The following MAST4 variants were observed in gnomAD, a reference collection of about 807,000 sequenced individuals.
MAST4 encodes the protein microtubule associated serine/threonine kinase family member 4.
Under a neutral mutation model 162.7 loss-of-function variants are expected in MAST4, and 89 were observed. That is an observed-to-expected ratio of 0.55 (90% confidence interval 0.46 to 0.65). The LOEUF (loss-of-function observed/expected upper bound fraction) is 0.65, where lower values mean the gene tolerates loss of function less well. Ranked by LOEUF, MAST4 falls within the 30% of genes least tolerant of loss-of-function variation. The pLI is 0.00. For synonymous variants in MAST4, 1,479 were observed against 1,361.1 expected (o/e 1.09, Z -1.91); for missense variants, 3,153 against 3,374.0 (o/e 0.93, Z 1.62).
At chr5:66,607,450 G>A (rs894228355) in intron 1 of MAST4, among the ~76,000 whole-genome samples, 3 of 152,124 alleles carry the variant, frequency 2.0e-5, no homozygotes, top group East Asian at 1.9e-4. Context: ...ATTCTGCCAG[G>A]ATAATTCTTG....
intron 14 of MAST4, among the ~76,000 whole-genome samples, chr5:67,127,621 T>C (rs946519782): frequency 6.6e-6 from 1 of 152,168 alleles, no homozygotes; most frequent in East Asian, 1.9e-4. Context: ...AACATTTGTA[T>C]ATCAGTGCTT....
chr5:66,780,665 C>T (rs2081161), intron 2 of MAST4, among the ~76,000 whole-genome samples: 5,948 of 152,260 alleles, frequency 0.039, 177 homozygotes, highest in South Asian at 0.13. Context: ...CTTTTATTCC[C>T]TTATTTGGCC....
In MAST4 at chr5:67,167,102, T is replaced by C; in HGVS notation, c.*51T>C. ...TGGAGACCCGTCCTGAACGGGCGACTGTGTCTTGACTACCTTTCAAAACCA... is the reference window on the plus strand; with the variant it reads ...TGGAGACCCGTCCTGAACGGGCGACCGTGTCTTGACTACCTTTCAAAACCA... On this transcript the variant is annotated 3_prime_UTR_variant, in exon 29 of 29. Transcript: ENST00000403625. 2 of 1,465,058 alleles carry C rather than the reference T, an allele frequency of 1.4e-6. No homozygotes were observed. The highest frequency in any genetic ancestry group is 1.8e-6 in the Non-Finnish European group (2 of 1,097,888). The allele number at this position is 1,465,058 out of a possible 1,614,324, so 90.8% of individuals were successfully genotyped here.
At position 66,759,745 on chromosome 5, in the gene MAST4, C is replaced by G. The variant is rs200785678; in HGVS notation, c.400C>G (p.Arg134Gly). ...ATTATCCCCTCCACCCATGCCGTTTCGGAAATGCAGCAACCCAGATGTGGC... is the reference window on the plus strand; with the variant it reads ...ATTATCCCCTCCACCCATGCCGTTTGGGAAATGCAGCAACCCAGATGTGGC... ...HILSPPPMPF[R>G]KCSNPDVASG... is the part of the protein sequence containing the mutation. Residue 134 changes from arginine to glycine, a missense_variant, in exon 2 of 29, where the codon CGG becomes GGG. Coordinates refer to ENST00000403625, the MANE Select transcript of MAST4 (RefSeq NM_001164664.2). The G allele has an allele frequency of 1.2e-6, 2 of 1,613,914 alleles. No homozygotes were observed. Among genetic ancestry groups the G allele is most frequent in the African/African-American group, 2.7e-5 (2 of 75,050 alleles).
intron 1 of MAST4, among the ~76,000 whole-genome samples, chr5:66,607,960 A>G (rs761839482): frequency 1.3e-4 from 20 of 152,178 alleles, no homozygotes; most frequent in Admixed American, 2.6e-4. Flanking sequence ...AAAAATGTAT[A>G]TATTTATGGT....
chr5:67,095,687 ACT>A lies in MAST4; in HGVS notation c.912+13_912+14del. On this transcript the variant is annotated intron_variant, in intron 7 of 28. Transcript: ENST00000403625. ...GCTCTACGGTCTCTGTAAGTGCCTG[ACT>A]TTTTTTTTTTTTTTCTCTTCCTCAC... The A allele has an allele frequency of 6.6e-7, 1 of 1,514,646 alleles. No individual in the cohort carries two copies. Among genetic ancestry groups the A allele is most frequent in the Non-Finnish European group, 8.8e-7 (1 of 1,133,070 alleles). 93.8% of individuals were successfully genotyped at this position (1,514,646 alleles called of 1,614,324 possible). A position where few individuals can be genotyped will look rare whatever the true frequency, so the allele number is the denominator to read the frequency against.
rs149679031 is a variant in MAST4, at chr5:66,800,744, C to A, written c.642+11950C>A. ...TAAAAAGACCACTAGAAAAAAGAAA[C>A]CCAACTCATTTCTTTTCATTCTTCT... is the stretch of plus-strand genomic sequence containing the variant. On this transcript the variant is annotated intron_variant, in intron 3 of 28. Coordinates refer to ENST00000403625, the MANE Select transcript of MAST4 (RefSeq NM_001164664.2). 5.1e-3 allele frequency among the ~76,000 whole-genome samples: 778 copies of A among 152,168 alleles called. 9 individuals carry two copies. Among genetic ancestry groups the A allele is most frequent in the African/African-American group, 0.018 (733 of 41,534 alleles).
At chr5:67,037,246 A>G (rs1337431094) in intron 4 of MAST4, among the ~76,000 whole-genome samples, 3 of 152,048 alleles carry the variant, frequency 2.0e-5, no homozygotes, top group Admixed American at 2.0e-4. Flanking sequence ...AAAAAGAAGA[A>G]ACGAGAAAGT....
intron 1 of MAST4, among the ~76,000 whole-genome samples, chr5:66,690,428 G>T (rs1168162020): frequency 2.0e-5 from 3 of 152,144 alleles, no homozygotes; most frequent in Non-Finnish European, 4.4e-5. Flanking sequence ...CATTGTCCGG[G>T]ATTAGAAAGG....
chr5:66,928,170 A>T (rs549773781), intron 4 of MAST4, among the ~76,000 whole-genome samples: 1 of 152,320 alleles, frequency 6.6e-6, no homozygotes, highest in South Asian at 2.1e-4. Context: ...CAGGGGCACA[A>T]TTCAGTGCAT....
intron 4 of MAST4, among the ~76,000 whole-genome samples, chr5:66,961,225 T>C (rs1342930107): frequency 1.3e-5 from 2 of 152,260 alleles, no homozygotes; most frequent in Non-Finnish European, 2.9e-5. Context: ...AGGAATGTTA[T>C]AATGGAAAGT....
Position 67,152,840 on chromosome 5 carries a change from A to C in MAST4, c.3499A>C (p.Ile1167Leu). 6.2e-7 allele frequency: 1 copy of C among 1,614,012 alleles called. No homozygotes were observed. Among genetic ancestry groups the C allele is most frequent in the Non-Finnish European group, 8.5e-7 (1 of 1,179,860 alleles). ...CCGGGTGTATGTGGGAGACAGTGAC[A>C]TCTATACAGTGCACCATATCGTCTG... ...AIRVYVGDSD[I>L]YTVHHIVWNV... Residue 1167 changes from isoleucine to leucine, a missense_variant, in exon 25 of 29, where the codon ATC (isoleucine) becomes CTC (leucine). By Grantham distance (5) the Ile-to-Leu change is conservative. Around this residue, in one of 7 missense-constraint regions of MAST4, gnomAD observed 619 missense variants for 744.2 expected, o/e 0.83. Coordinates refer to ENST00000403625, the MANE Select transcript of MAST4 (RefSeq NM_001164664.2).
intron 3 of MAST4, among the ~76,000 whole-genome samples, chr5:66,883,719 G>T (rs191458704): frequency 6.6e-6 from 1 of 152,100 alleles, no homozygotes; most frequent in Non-Finnish European, 1.5e-5. Context: ...GAGCCACCGC[G>T]CCCGGCTTTT....
At chr5:66,776,823 G>A (rs1224030943) in intron 2 of MAST4, among the ~76,000 whole-genome samples, 1 of 152,152 alleles carries the variant, frequency 6.6e-6, no homozygotes, top group Non-Finnish European at 1.5e-5. Context: ...ACTGCATACA[G>A]AAATAAATGG....
chr5:66,959,999 C>G (rs1165877968), intron 4 of MAST4, among the ~76,000 whole-genome samples: 2 of 152,170 alleles, frequency 1.3e-5, no homozygotes, highest in Non-Finnish European at 2.9e-5. Flanking sequence ...TATTTTAAAT[C>G]TGTTAGTCAA....
intron 4 of MAST4, among the ~76,000 whole-genome samples, chr5:66,934,096 AAGT>A (rs771875406): frequency 1.3e-5 from 2 of 152,222 alleles, no homozygotes; most frequent in Non-Finnish European, 2.9e-5. Flanking sequence ...ATTGCAAAAA[AAGT>A]AGCATGTAAA....
chr5:66,604,273 T>G (rs1742736968), intron 1 of MAST4, among the ~76,000 whole-genome samples: 2 of 152,234 alleles, frequency 1.3e-5, no homozygotes, highest in African/African-American at 4.8e-5. Context: ...GACACATGTC[T>G]GTGAGACAGC....
intron 3 of MAST4, among the ~76,000 whole-genome samples, chr5:66,823,868 G>GTAGA (rs1757112431): frequency 6.6e-6 from 1 of 152,140 alleles, no homozygotes; most frequent in Non-Finnish European, 1.5e-5. Context: ...GAATTTAAAT[G>GTAGA]TAGACACTAA....
intron 4 of MAST4, among the ~76,000 whole-genome samples, chr5:66,983,953 G>A (rs183816097): frequency 6.6e-6 from 1 of 152,296 alleles, no homozygotes; most frequent in Non-Finnish European, 1.5e-5. Context: ...GTAACACAGA[G>A]GAGGCACTGT....
Sources: gnomAD v4.1 joint callset for allele counts (sites outside exome capture counted in the v4.1 genomes callset) on GRCh38, gnomAD v4.1.1 for gene constraint, gnomAD v4.1.1 regional missense constraint, MANE v1.5 for transcripts, NCBI Gene and HGNC (gene_info 2026-07-23, HGNC 2026-07-21) for gene names.